USH2A: variants seen among roughly 807,000 people sequenced by gnomAD.
USH2A encodes the protein usherin, also known as Usher syndrome 2A (autosomal recessive, mild).
A neutral mutation model predicts 538.9 loss-of-function variants in USH2A; 443 were observed. The ratio of observed to expected loss-of-function variants is 0.82; its 90% CI spans 0.76 to 0.89. The LOEUF (loss-of-function observed/expected upper bound fraction) is 0.89, where lower values mean the gene tolerates loss of function less well. Ranked by LOEUF, USH2A falls within the 40% of genes least tolerant of loss-of-function variation. USH2A has a pLI of 0.00. For missense variants in USH2A, 6,633 were observed against 6,324.8 expected (o/e 1.05, Z -1.65); for synonymous variants, 2,413 against 2,273.5 (o/e 1.06, Z -1.75).
At chr1:216,273,312 A>C (rs2036609718) in intron 11 of USH2A, among the ~76,000 whole-genome samples, 1 of 152,072 alleles carries the variant, frequency 6.6e-6, no homozygotes, top group Non-Finnish European at 1.5e-5. Flanking sequence ...TGAAGAGCCG[A>C]GGGCAATCTA....
chr1:215,965,868 C>T (rs1667329871), intron 36 of USH2A, among the ~76,000 whole-genome samples: 1 of 151,402 alleles, frequency 6.6e-6, no homozygotes, highest in Non-Finnish European at 1.5e-5. Flanking sequence ...AGGTGGTAGA[C>T]TTCTGGCCTC....
intron 71 of USH2A, 73 bp from the exon 72 acceptor site, chr1:215,625,943 T>C (rs977793472): frequency 4.9e-6 from 7 of 1,434,980 alleles, no homozygotes; most frequent in South Asian, 1.2e-5. Context: ...TATAGTTATA[T>C]CAATTAAGTG....
intron 9 of USH2A, among the ~76,000 whole-genome samples, chr1:216,319,543 A>C (rs980843657): frequency 5.9e-5 from 9 of 152,186 alleles, no homozygotes; most frequent in Non-Finnish European, 4.4e-5. Context: ...GTATTGACTA[A>C]TGGTGAGGAC....
intron 21 of USH2A, among the ~76,000 whole-genome samples, chr1:216,151,204 G>A (rs369775423): frequency 8.5e-5 from 13 of 152,118 alleles, no homozygotes; most frequent in Admixed American, 2.0e-4. Context: ...GACAGCTGCC[G>A]CCCTAGGTGG....
intron 13 of USH2A, among the ~76,000 whole-genome samples, chr1:216,243,445 C>T (rs543647641): frequency 1.6e-4 from 25 of 152,144 alleles, no homozygotes; most frequent in Non-Finnish European, 2.9e-4. Flanking sequence ...CTCTTTCTTA[C>T]TCCTTATAAT....
At chr1:216,002,954 A>G (rs1291920633) in intron 32 of USH2A, among the ~76,000 whole-genome samples, 1 of 152,036 alleles carries the variant, frequency 6.6e-6, no homozygotes, top group Non-Finnish European at 1.5e-5. Context: ...TTCCCCTATA[A>G]ACTGCATGCG....
At chr1:215,974,902 A>T (rs188914826) in intron 35 of USH2A, among the ~76,000 whole-genome samples, 1 of 152,122 alleles carries the variant, frequency 6.6e-6, no homozygotes, top group African/African-American at 2.4e-5. Context: ...AAGTTCTTTG[A>T]AAAACCTTCA....
At chr1:216,141,856 C>T (rs148213111) in intron 21 of USH2A, among the ~76,000 whole-genome samples, 1 of 152,016 alleles carries the variant, frequency 6.6e-6, no homozygotes, top group African/African-American at 2.4e-5. Flanking sequence ...AACTCAGTCA[C>T]CCACCAACTA....
intron 16 of USH2A, among the ~76,000 whole-genome samples, chr1:216,204,818 C>A (rs897441332): frequency 1.3e-5 from 2 of 152,152 alleles, no homozygotes; most frequent in African/African-American, 4.8e-5. Context: ...ATTGTTCTTA[C>A]TGTTCAAATG....
chr1:215,678,709 C>G (rs1658117166), intron 62 of USH2A, among the ~76,000 whole-genome samples: 1 of 151,834 alleles, frequency 6.6e-6, no homozygotes, highest in Admixed American at 6.6e-5. Context: ...CATTTATTCA[C>G]ACAGACACAC....
At chr1:216,181,840 C>A (rs2102647240) in intron 20 of USH2A, among the ~76,000 whole-genome samples, 1 of 152,208 alleles carries the variant, frequency 6.6e-6, no homozygotes, top group South Asian at 2.1e-4. Context: ...AAGTCTCCTG[C>A]AGCACAAATA....
chr1:216,167,498 A>G (rs539590516), intron 21 of USH2A, among the ~76,000 whole-genome samples: 1 of 152,230 alleles, frequency 6.6e-6, no homozygotes, highest in Non-Finnish European at 1.5e-5. Context: ...GCAAGGAAAC[A>G]TGCCTTAAGT....
intron 11 of USH2A, among the ~76,000 whole-genome samples, chr1:216,256,455 T>A (rs73098656): frequency 3.3e-5 from 5 of 152,026 alleles, no homozygotes; most frequent in African/African-American, 1.2e-4. Flanking sequence ...TATCACAGCC[T>A]AGCTTTAAGT....
intron 26 of USH2A, among the ~76,000 whole-genome samples, chr1:216,083,023 C>A (rs999828877): frequency 6.6e-6 from 1 of 151,858 alleles, no homozygotes; most frequent in African/African-American, 2.4e-5. Flanking sequence ...TATAGATAGA[C>A]CAAAAATGAT....
At chr1:215,775,551 A>G (rs1273423693) in intron 55 of USH2A, among the ~76,000 whole-genome samples, 2 of 152,210 alleles carry the variant, frequency 1.3e-5, no homozygotes, top group African/African-American at 4.8e-5. Flanking sequence ...ATTACCTATT[A>G]CTAAGTGTGG....
chr1:215,869,380 C>A (rs1469352288), intron 43 of USH2A, among the ~76,000 whole-genome samples: 1 of 152,116 alleles, frequency 6.6e-6, no homozygotes, highest in East Asian at 1.9e-4. Flanking sequence ...GATGTCATAT[C>A]ACTAAGGCTT....
intron 58 of USH2A, among the ~76,000 whole-genome samples, chr1:215,755,228 C>T (rs1177677648): frequency 8.5e-5 from 13 of 152,168 alleles, no homozygotes; most frequent in Admixed American, 8.5e-4. Flanking sequence ...TCTGTCTTTA[C>T]ACAAGCTTCC....
At chr1:216,411,850 G>C (rs1205028905) in intron 3 of USH2A, among the ~76,000 whole-genome samples, 1 of 152,094 alleles carries the variant, frequency 6.6e-6, no homozygotes, top group African/African-American at 2.4e-5. Flanking sequence ...GTTGTGTTAA[G>C]CCACCAGTTT....
chr1:216,195,461 C>T (rs2034818631), intron 19 of USH2A, among the ~76,000 whole-genome samples: 1 of 152,074 alleles, frequency 6.6e-6, no homozygotes, highest in Non-Finnish European at 1.5e-5. Flanking sequence ...GCTCTAAAAC[C>T]CTTGTCAGAG....
Sources: allele counts gnomAD v4.1 joint callset (sites outside exome capture counted in the v4.1 genomes callset), GRCh38; gene constraint gnomAD v4.1.1; transcripts MANE v1.5; gene names NCBI Gene and HGNC (gene_info 2026-07-23, HGNC 2026-07-21).